CAMTA1: variants seen among roughly 807,000 people sequenced by gnomAD.
CAMTA1 encodes the protein calmodulin binding transcription activator 1.
Under a neutral mutation model 170.9 loss-of-function variants are expected in CAMTA1, and 27 were observed. The ratio of observed to expected loss-of-function variants is 0.16; its 90% CI spans 0.12 to 0.22. The LOEUF (loss-of-function observed/expected upper bound fraction) is 0.22, where lower values mean the gene tolerates loss of function less well. Among genes scored for constraint, CAMTA1 ranks in the 10% least tolerant of loss-of-function variants. The pLI is 1.00. For synonymous variants in CAMTA1, 833 were observed against 891.5 expected (o/e 0.93, Z 1.17); for missense variants, 1,619 against 2,217.2 (o/e 0.73, Z 5.42).
intron 4 of CAMTA1, among the ~76,000 whole-genome samples, chr1:7,110,367 T>A (rs905807504): frequency 6.6e-6 from 1 of 152,182 alleles, no homozygotes; most frequent in African/African-American, 2.4e-5. Context: ...TTTTAGCCAC[T>A]GTGCTTCAGG....
At chr1:7,447,749 C>T (rs2092716301) in intron 5 of CAMTA1, among the ~76,000 whole-genome samples, 1 of 152,184 alleles carries the variant, frequency 6.6e-6, no homozygotes, top group Non-Finnish European at 1.5e-5. Context: ...AGCCTGAATG[C>T]AGCCCTTGGA....
At chr1:7,128,299 G>C (rs2148512306) in intron 4 of CAMTA1, among the ~76,000 whole-genome samples, 1 of 152,268 alleles carries the variant, frequency 6.6e-6, no homozygotes, top group South Asian at 2.1e-4. Context: ...ACCATGTGCT[G>C]GGTCCTGTGA....
intron 3 of CAMTA1, among the ~76,000 whole-genome samples, chr1:7,003,634 C>T (rs1215396624): frequency 6.6e-6 from 1 of 152,118 alleles, no homozygotes; most frequent in African/African-American, 2.4e-5. Flanking sequence ...ATAATCTCTC[C>T]TGGGTGTCTG....
At position 6,887,755 on chromosome 1, in the gene CAMTA1, T is replaced by G; in HGVS notation, c.234+62545T>G. On this transcript the variant is annotated intron_variant, in intron 3 of 22. Coordinates refer to ENST00000303635, the MANE Select transcript of CAMTA1 (RefSeq NM_015215.4). The surrounding 1 kb of genome is among the most constrained non-coding windows in gnomAD (Gnocchi z 4.1). Reference sequence around the variant, plus strand: ...TTGGAATGAAAGCTGGCAGAATTCGTAGGGAGAGCTTTCCCATCCTGCCAG... The same window carrying G: ...TTGGAATGAAAGCTGGCAGAATTCGGAGGGAGAGCTTTCCCATCCTGCCAG... 6.5e-7 allele frequency: 1 copy of G among 1,534,928 alleles called. No homozygotes were observed. Among genetic ancestry groups the G allele is most frequent in the Non-Finnish European group, 8.7e-7 (1 of 1,146,400 alleles).
At chr1:7,349,146 G>A (rs2084452349) in intron 5 of CAMTA1, among the ~76,000 whole-genome samples, 1 of 152,084 alleles carries the variant, frequency 6.6e-6, no homozygotes, top group South Asian at 2.1e-4. Context: ...CGTTCTCCTC[G>A]AGCGCATGTT....
chr1:6,818,516 G>A (rs1232849360), intron 1 of CAMTA1, among the ~76,000 whole-genome samples: 2 of 152,152 alleles, frequency 1.3e-5, no homozygotes, highest in African/African-American at 2.4e-5. Flanking sequence ...TCCTCCTCCT[G>A]CCTCAGAGAG....
chr1:7,693,652 A>G (rs2096342911), intron 11 of CAMTA1: 1 of 152,280 alleles, frequency 6.6e-6, no homozygotes, highest in Non-Finnish European at 1.5e-5. Flanking sequence ...TAGTCCAGGA[A>G]GGTACCAGAC....
chr1:7,691,246 C>T (rs2096307843), intron 11 of CAMTA1, among the ~76,000 whole-genome samples: 1 of 152,240 alleles, frequency 6.6e-6, no homozygotes, highest in Non-Finnish European at 1.5e-5. Flanking sequence ...GAATGGCACG[C>T]GCAGAAACTC....
At chr1:6,913,651 G>A (rs1224751356) in intron 3 of CAMTA1, among the ~76,000 whole-genome samples, 1 of 152,042 alleles carries the variant, frequency 6.6e-6, no homozygotes, top group East Asian at 1.9e-4. Context: ...GTTTCTGTTT[G>A]ATTCAGCACA....
At position 7,752,891 on chromosome 1, in the gene CAMTA1, T is replaced by C. The variant is rs183644356; in HGVS notation, c.4958+358T>C. 3.9e-5 allele frequency among the ~76,000 whole-genome samples: 6 copies of C among 152,348 alleles called. No homozygotes were observed. In the East Asian group the frequency reaches 7.7e-4, roughly 20 times the overall value. ...TGTTCTTTGCTCTAATCCTTTACTA[T>C]GCTAGCGCGTGTCCAAACAGAAAAC... On this transcript the variant is annotated intron_variant, in intron 21 of 22. Transcript: ENST00000303635.
At chr1:7,424,809 C>G (rs2091785823) in intron 5 of CAMTA1, among the ~76,000 whole-genome samples, 2 of 152,062 alleles carry the variant, frequency 1.3e-5, no homozygotes, top group African/African-American at 4.8e-5. Context: ...TCTGGGCCTG[C>G]AGTGGGGAAG....
chr1:7,306,392 AT>A (rs995749663), intron 5 of CAMTA1, among the ~76,000 whole-genome samples: 4 of 151,958 alleles, frequency 2.6e-5, no homozygotes, highest in African/African-American at 7.2e-5. Context: ...TGAAAAAAAA[AT>A]CTTCTCCATT....
rs1052609125 is a variant in CAMTA1 at position 7,070,205 on chromosome 1, C to T, written c.235-21099C>T. Among the ~76,000 whole-genome samples, 11 of 152,262 alleles carry T rather than the reference C, an allele frequency of 7.2e-5. No homozygotes were observed. The East Asian group carries it at 1.7e-3, about 24-fold the overall frequency. ...AGAGAACAGCAGCATCAGATGGGGGCGGGCTCAAAAGGGCTTCATAGGCGC... is the reference window on the plus strand; with the variant it reads ...AGAGAACAGCAGCATCAGATGGGGGTGGGCTCAAAAGGGCTTCATAGGCGC... On this transcript the variant is annotated intron_variant, in intron 3 of 22. Transcript: ENST00000303635.
intron 4 of CAMTA1, among the ~76,000 whole-genome samples, chr1:7,165,759 A>G (rs1380141312): frequency 6.6e-6 from 1 of 152,102 alleles, no homozygotes; most frequent in African/African-American, 2.4e-5. Flanking sequence ...AGTATTTGCA[A>G]TACTTTTATC....
chr1:6,887,913 C>A lies in CAMTA1; in HGVS notation c.234+62703C>A. 7.4e-7 allele frequency: 1 copy of A among 1,353,666 alleles called. No homozygotes were observed. The highest frequency in any genetic ancestry group is 9.5e-7 in the Non-Finnish European group (1 of 1,048,162). 83.9% of individuals were successfully genotyped at this position (1,353,666 alleles called of 1,614,324 possible). A position where few individuals can be genotyped will look rare whatever the true frequency, so the allele number is the denominator to read the frequency against. ...ACTCTTGCCTCATCCGGAGTTATTACGAAGGAGCTCCGCAGCCTGACTGAG... is the reference window on the plus strand; with the variant it reads ...ACTCTTGCCTCATCCGGAGTTATTAAGAAGGAGCTCCGCAGCCTGACTGAG... On this transcript the variant is annotated intron_variant, in intron 3 of 22. Transcript: ENST00000303635. The surrounding 1 kb of genome is among the most constrained non-coding windows in gnomAD (Gnocchi z 4.1).
At chr1:7,445,318 C>T (rs192484432) in intron 5 of CAMTA1, among the ~76,000 whole-genome samples, 52 of 151,586 alleles carry the variant, frequency 3.4e-4, no homozygotes, top group African/African-American at 1.1e-3. Flanking sequence ...ATGGAGAAGC[C>T]GCTGCTATGA....
At chr1:7,136,006 C>G (rs1486391387) in intron 4 of CAMTA1, among the ~76,000 whole-genome samples, 1 of 152,160 alleles carries the variant, frequency 6.6e-6, no homozygotes, top group Non-Finnish European at 1.5e-5. Context: ...TTTCTGAAGG[C>G]TTATATCTCG....
intron 3 of CAMTA1, among the ~76,000 whole-genome samples, chr1:6,943,778 C>T (rs111389019): frequency 4.5e-5 from 6 of 132,802 alleles, no homozygotes; most frequent in Non-Finnish European, 9.2e-5. Flanking sequence ...ACCTGGGAGG[C>T]GGAGGTTGCA....
chr1:7,606,858 TGG>T (rs1306954768), intron 6 of CAMTA1, among the ~76,000 whole-genome samples: 1 of 151,880 alleles, frequency 6.6e-6, no homozygotes, highest in Non-Finnish European at 1.5e-5. Context: ...GGGGAGGAAA[TGG>T]GGAGTGTGGA....
Sources: gnomAD v4.1 joint callset for allele counts (sites outside exome capture counted in the v4.1 genomes callset) on GRCh38, gnomAD v4.1.1 for gene constraint, Gnocchi (gnomAD v3.1) non-coding constraint, MANE v1.5 for transcripts, NCBI Gene and HGNC (gene_info 2026-07-23, HGNC 2026-07-21) for gene names.